Variants in QTMAN observed in about 807,000 individuals in gnomAD.
QTMAN encodes queuosine-tRNA mannosyltransferase.
chr2:143,976,357 T>C, the QTMAN span, among the ~76,000 whole-genome samples: 13 of 152,222 alleles, frequency 8.5e-5, no homozygotes, highest in African/African-American at 2.7e-4. Context: ...TAAGGAATTA[T>C]GGTCTCTCCA....
chr2:144,285,246 T>C, the QTMAN span, among the ~76,000 whole-genome samples: 28 of 152,200 alleles, frequency 1.8e-4, no homozygotes, highest in African/African-American at 6.5e-4. Context: ...CACATGCACC[T>C]ATATTTGGTC....
the QTMAN span, among the ~76,000 whole-genome samples, chr2:144,019,452 G>GTGTGT: frequency 1.4e-5 from 2 of 145,822 alleles, no homozygotes; most frequent in Non-Finnish European, 3.0e-5. Flanking sequence ...GTGTGTGTGT[G>GTGTGT]TGTGTGTGTG....
chr2:144,091,097 G>T, the QTMAN span, among the ~76,000 whole-genome samples: 1 of 151,786 alleles, frequency 6.6e-6, no homozygotes, highest in Non-Finnish European at 1.5e-5. Context: ...AAGTAGAGGC[G>T]ACTAGCCTGA....
At chr2:144,257,381 T>C in the QTMAN span, among the ~76,000 whole-genome samples, 1 of 151,910 alleles carries the variant, frequency 6.6e-6, no homozygotes, top group Admixed American at 6.6e-5. Flanking sequence ...AGAAAACATG[T>C]CTATACCACA....
chr2:144,195,935 A>G, the QTMAN span, among the ~76,000 whole-genome samples: 2 of 152,182 alleles, frequency 1.3e-5, no homozygotes, highest in Non-Finnish European at 2.9e-5. Flanking sequence ...CAATTATAAT[A>G]AAATAGTAAG....
the QTMAN span, among the ~76,000 whole-genome samples, chr2:144,279,785 A>C: frequency 6.6e-6 from 1 of 152,180 alleles, no homozygotes; most frequent in African/African-American, 2.4e-5. Flanking sequence ...TGTAATGGAG[A>C]TATAAGCAAG....
At chr2:144,236,053 C>T in the QTMAN span, among the ~76,000 whole-genome samples, 1 of 151,808 alleles carries the variant, frequency 6.6e-6, no homozygotes, top group African/African-American at 2.4e-5. Flanking sequence ...AATCTATGCA[C>T]TCCTGAATGA....
chr2:144,073,396 C>G, the QTMAN span, among the ~76,000 whole-genome samples: 2 of 152,016 alleles, frequency 1.3e-5, no homozygotes, highest in East Asian at 3.9e-4. Flanking sequence ...TATATTCCAG[C>G]CCAAGTCATA....
At chr2:143,996,431 T>TG in the QTMAN span, among the ~76,000 whole-genome samples, 1 of 152,010 alleles carries the variant, frequency 6.6e-6, no homozygotes, top group Non-Finnish European at 1.5e-5. Context: ...GAGAGAAATT[T>TG]GGGGGGATAG....
At chr2:143,957,111 G>T in the QTMAN span, 4 of 1,069,458 alleles carry the variant, frequency 3.7e-6, no homozygotes, top group African/African-American at 6.4e-5. Flanking sequence ...GAATTTTAAT[G>T]TATTATTTGA....
At chr2:144,077,051 A>C in the QTMAN span, among the ~76,000 whole-genome samples, 1 of 71,616 alleles carries the variant, frequency 1.4e-5, no homozygotes, top group African/African-American at 9.9e-5. Flanking sequence ...TCAAAAAGCC[A>C]AAAAAAAAAA....
the QTMAN span, among the ~76,000 whole-genome samples, chr2:144,071,917 C>A: frequency 6.6e-6 from 1 of 152,172 alleles, no homozygotes; most frequent in Non-Finnish European, 1.5e-5. Flanking sequence ...CAGCAAGAAT[C>A]TAGGCCTCTT....
chr2:143,984,721 T>C, the QTMAN span, among the ~76,000 whole-genome samples: 1 of 152,118 alleles, frequency 6.6e-6, no homozygotes, highest in Non-Finnish European at 1.5e-5. Flanking sequence ...AAGGGAGAAG[T>C]GTCTGAACAT....
chr2:144,205,061 T>C, the QTMAN span, among the ~76,000 whole-genome samples: 12 of 152,032 alleles, frequency 7.9e-5, no homozygotes, highest in African/African-American at 2.4e-4. Context: ...AGTTAATGGG[T>C]ACAGCACACC....
the QTMAN span, chr2:144,177,162 A>G: frequency 1.0e-5 from 7 of 702,434 alleles, 1 homozygote; most frequent in South Asian, 1.0e-4. Context: ...ATAATTCTGC[A>G]TGAGATTTGG....
At chr2:144,065,103 A>G in the QTMAN span, among the ~76,000 whole-genome samples, 1 of 152,194 alleles carries the variant, frequency 6.6e-6, no homozygotes, top group Non-Finnish European at 1.5e-5. Context: ...AGGCATTCAA[A>G]GCTTAATTTT....
chr2:144,264,480 A>T, the QTMAN span, among the ~76,000 whole-genome samples: 1 of 152,238 alleles, frequency 6.6e-6, no homozygotes, highest in South Asian at 2.1e-4. Flanking sequence ...AAAATAAGGA[A>T]ATGTGACTTA....
chr2:144,079,215 G>C, the QTMAN span, among the ~76,000 whole-genome samples: 37 of 152,118 alleles, frequency 2.4e-4, no homozygotes, highest in Admixed American at 2.4e-3. Context: ...ACATAGTGCA[G>C]TTCATTCAAA....
chr2:143,956,053 T>G, the QTMAN span, among the ~76,000 whole-genome samples: 1 of 152,172 alleles, frequency 6.6e-6, no homozygotes, highest in African/African-American at 2.4e-5. Context: ...AGAAAGAAAA[T>G]TAGCCACATT....
Sources: gnomAD v4.1 joint callset for allele counts (sites outside exome capture counted in the v4.1 genomes callset) on GRCh38, gnomAD v4.1.1 for gene constraint, MANE v1.5 for transcripts, NCBI Gene and HGNC (gene_info 2026-07-23, HGNC 2026-07-21) for gene names.